PDLIM1: variants seen among roughly 807,000 people sequenced by gnomAD.
The protein encoded by PDLIM1 is PDZ and LIM domain protein 1.
Under a neutral mutation model 35.2 loss-of-function variants are expected in PDLIM1, and 25 were observed. That is an observed-to-expected ratio of 0.71 (90% CI 0.52 to 0.99). The LOEUF is 0.99. PDLIM1 is among the 50% of genes least tolerant of loss of function. The pLI, the probability that PDLIM1 is intolerant of heterozygous loss-of-function variation, is 0.00. For synonymous variants in PDLIM1, 152 were observed against 154.0 expected, an observed-to-expected ratio of 0.99 and a Z score of 0.10; for missense variants, 363 against 415.3, an observed-to-expected ratio of 0.87 and a Z score of 1.09.
At chr10:95,246,364 C>A (rs983675389) in intron 5 of PDLIM1, among the ~76,000 whole-genome samples, 3 of 152,214 alleles carry the variant, frequency 2.0e-5, no homozygotes, top group Admixed American at 1.3e-4. Context: ...GATACTTTTA[C>A]CACTGTCCAC....
At chr10:95,277,751 G>T (rs929541995) in intron 1 of PDLIM1, among the ~76,000 whole-genome samples, 1 of 151,908 alleles carries the variant, frequency 6.6e-6, no homozygotes, top group African/African-American at 2.4e-5. Flanking sequence ...CTCACTCTTC[G>T]TCCCCACCAG....
Position 95,263,804 on chromosome 10 carries a change from G to T in PDLIM1, c.533+60C>A, listed in dbSNP as rs1299990508. 6 of 1,366,822 alleles carry T rather than the reference G, an allele frequency of 4.4e-6. No homozygotes were observed. The East Asian group carries it at 6.8e-5, about 16-fold the overall frequency. 84.7% of individuals were successfully genotyped at this position (1,366,822 alleles called of 1,614,324 possible). A position where few individuals can be genotyped will look rare whatever the true frequency, so the allele number is the denominator to read the frequency against. ...TCTTGCACCTGCCTGGGCAGCCCTG[G>T]TCCTGATGTGAAAAGCCCCTCCCAG... On this transcript the variant is annotated intron_variant, in intron 4 of 6. Transcript: ENST00000329399.
intron 5 of PDLIM1, 33 bp downstream of exon 5, chr10:95,247,182 C>CAAGA (rs752956573): frequency 1.3e-6 from 2 of 1,595,046 alleles, no homozygotes; most frequent in Non-Finnish European, 1.7e-6. Context: ...TGACCTTGAA[C>CAAGA]AAGAGCCTCT....
chr10:95,290,368 T>A lies in PDLIM1; in HGVS notation c.96+452A>T, dbSNP rs1395148898. On this transcript the variant is annotated intron_variant, in intron 1 of 6. Coordinates refer to ENST00000329399, the MANE Select transcript of PDLIM1 (RefSeq NM_020992.4). The surrounding 1 kb of genome is among the most constrained non-coding windows in gnomAD (Gnocchi z 4.7). Reference sequence around the variant, plus strand: ...GTTGTTTTTTTAGGTTAATCCCACTTGCCCCCCACCCCAGTAAACTTCCCA... The same window carrying A: ...GTTGTTTTTTTAGGTTAATCCCACTAGCCCCCCACCCCAGTAAACTTCCCA... Among the ~76,000 whole-genome samples the A allele has an allele frequency of 6.6e-6, 1 of 152,056 alleles. No individual in the cohort carries two copies. Among genetic ancestry groups the A allele is most frequent in the Non-Finnish European group, 1.5e-5 (1 of 67,990 alleles).
At chr10:95,288,814 C>A (rs1012851438) in intron 1 of PDLIM1, among the ~76,000 whole-genome samples, 3 of 152,192 alleles carry the variant, frequency 2.0e-5, no homozygotes, top group African/African-American at 7.2e-5. Context: ...AAAGCACCTG[C>A]CAAGGGCATT....
At chr10:95,259,060 G>C (rs76481830) in intron 4 of PDLIM1, among the ~76,000 whole-genome samples, 1 of 152,132 alleles carries the variant, frequency 6.6e-6, no homozygotes, top group South Asian at 2.1e-4. Context: ...GGAGGGAAGC[G>C]AGTGTGGCTA....
At chr10:95,265,155 T>C (rs2035401135) in intron 3 of PDLIM1, among the ~76,000 whole-genome samples, 1 of 152,196 alleles carries the variant, frequency 6.6e-6, no homozygotes, top group Non-Finnish European at 1.5e-5. Context: ...TGTCATCTGT[T>C]GCACTTCCTT....
rs758479894 is a variant in PDLIM1 at position 95,247,310 on chromosome 10, T to G, written c.590A>C (p.Tyr197Ser). 9.3e-6 allele frequency: 15 copies of G among 1,613,672 alleles called. No homozygotes were observed. The highest frequency in any genetic ancestry group is 1.3e-5 in the African/African-American group (1 of 74,944). Residue 197 changes from tyrosine to serine, a missense_variant, in exon 5 of 7, where the codon TAC becomes TCC. By Grantham distance (144) the Tyr-to-Ser change is moderately radical. Transcript: ENST00000329399. ...CTCCTGTTTCTCCTGAAGCATCTTG[T>G]AAACTTCAGATTCTTTGTCGATGAC... The part of the protein sequence containing the change: ...SLVIDKESEV[Y>S]KMLQEKQELN...
intron 4 of PDLIM1, among the ~76,000 whole-genome samples, chr10:95,255,062 A>T (rs2035298390): frequency 6.6e-6 from 1 of 152,122 alleles, no homozygotes; most frequent in South Asian, 2.1e-4. Flanking sequence ...ATTCCCAAAA[A>T]CACAACCTAC....
intron 4 of PDLIM1, among the ~76,000 whole-genome samples, chr10:95,262,962 G>A (rs1259496763): frequency 2.0e-5 from 3 of 151,914 alleles, no homozygotes; most frequent in Non-Finnish European, 4.4e-5. Flanking sequence ...GGGCAACACA[G>A]TGAGACCCCA....
Position 95,290,947 on chromosome 10 carries a change from G to A in PDLIM1, c.-32C>T. ...GCTGTGGCGGGCGACGACCCGCGGG[G>A]ACAGACGGGCAGGACGCGCGGAACA... On this transcript the variant is annotated 5_prime_UTR_variant, in exon 1 of 7. Transcript: ENST00000329399. The surrounding 1 kb of genome is among the most constrained non-coding windows in gnomAD (Gnocchi z 4.7). 1.4e-6 allele frequency: 2 copies of A among 1,421,558 alleles called. No individual in the cohort carries two copies. The highest frequency in any genetic ancestry group is 9.6e-7 in the Non-Finnish European group (1 of 1,040,338). 88.1% of individuals were successfully genotyped at this position (1,421,558 alleles called of 1,614,324 possible).
chr10:95,286,343 C>T (rs969283623), intron 1 of PDLIM1, among the ~76,000 whole-genome samples: 6 of 145,154 alleles, frequency 4.1e-5, no homozygotes, highest in Admixed American at 1.4e-4. Context: ...GGCAACAGAG[C>T]GACACCCTGT....
chr10:95,261,902 G>A (rs571871542), intron 4 of PDLIM1, among the ~76,000 whole-genome samples: 1 of 152,060 alleles, frequency 6.6e-6, no homozygotes, highest in East Asian at 1.9e-4. Context: ...CAGCTACTCG[G>A]GAGGCTGATG....
At chr10:95,283,056 C>G (rs1052757184) in intron 1 of PDLIM1, among the ~76,000 whole-genome samples, 9 of 152,140 alleles carry the variant, frequency 5.9e-5, no homozygotes, top group Admixed American at 5.2e-4. Flanking sequence ...CTCACTAAAC[C>G]TTGAGGGAAT....
Position 95,247,279 on chromosome 10 carries a change from A to C in PDLIM1, c.621T>G (p.Asn207Lys). The change falls in exon 5 of 7, where the codon AAT (asparagine) becomes AAG (lysine). Residue 207 changes from asparagine (N) to lysine (K), a missense_variant. Asn to Lys is a moderately conservative substitution (Grantham distance 94, BLOSUM62 0). Coordinates refer to ENST00000329399, the MANE Select transcript of PDLIM1 (RefSeq NM_020992.4). ...AAGACGTGGACTGTTTCGGGGGCTC[A>C]TTCAACTCCTGTTTCTCCTGAAGCA... ...YKMLQEKQEL[N>K]EPPKQSTSFL... 6.2e-7 allele frequency: 1 copy of C among 1,614,140 alleles called. No individual in the cohort carries two copies. Among genetic ancestry groups the C allele is most frequent in the African/African-American group, 1.3e-5 (1 of 75,058 alleles).
chr10:95,266,331 C>T (rs1276945041), intron 3 of PDLIM1, among the ~76,000 whole-genome samples: 1 of 152,144 alleles, frequency 6.6e-6, no homozygotes, highest in Admixed American at 6.5e-5. Context: ...AGGCTATGGT[C>T]ATGAAGACAG....
intron 1 of PDLIM1, among the ~76,000 whole-genome samples, chr10:95,282,258 T>G (rs2133441632): frequency 6.6e-6 from 1 of 152,334 alleles, no homozygotes; most frequent in East Asian, 1.9e-4. Flanking sequence ...CATGTGGAAT[T>G]TGAACTCTCT....
intron 1 of PDLIM1, 23 bp from the exon 2 acceptor site, chr10:95,271,807 G>A (rs1198706207): frequency 1.2e-6 from 2 of 1,603,766 alleles, no homozygotes; most frequent in South Asian, 2.2e-5. Context: ...GGGAAAGCAG[G>A]CTAGTTACTA....
Position 95,264,068 on chromosome 10 carries a change from A to G in PDLIM1, c.334-5T>C. On this transcript the variant is annotated splice_polypyrimidine_tract_variant and splice_region_variant and intron_variant, in intron 3 of 6. Transcript: ENST00000329399. ...GCTTCCTATGTGCAGGACCTCCTGC[A>G]GGCAGGGATCAGAGGAGAAATCAAG... The G allele has an allele frequency of 6.2e-7, 1 of 1,609,838 alleles. No homozygotes were observed. The highest frequency in any genetic ancestry group is 1.1e-5 in the South Asian group (1 of 90,912).
Sources: gnomAD v4.1 joint callset for allele counts (sites outside exome capture counted in the v4.1 genomes callset) on GRCh38, gnomAD v4.1.1 for gene constraint, Gnocchi (gnomAD v3.1) non-coding constraint, MANE v1.5 for transcripts, NCBI Gene and HGNC (gene_info 2026-07-23, HGNC 2026-07-21) for gene names.